The following DCTN4 variants were observed in gnomAD, a reference collection of about 807,000 sequenced individuals.
DCTN4 encodes dynactin subunit 4.
Under a neutral mutation model 62.7 loss-of-function variants are expected in DCTN4, and 23 were observed. That is an observed-to-expected ratio of 0.37 (90% CI 0.26 to 0.52). The LOEUF (loss-of-function observed/expected upper bound fraction) is 0.52, where lower values mean the gene tolerates loss of function less well. Among genes scored for constraint, DCTN4 ranks in the 20% least tolerant of loss-of-function variants. The pLI is 0.92. For synonymous variants in DCTN4, 199 were observed against 202.1 expected, an observed-to-expected ratio of 0.98 and a Z score of 0.13; for missense variants, 514 against 580.4, an observed-to-expected ratio of 0.89 and a Z score of 1.18.
rs1759632889 is a variant in DCTN4 at position 150,713,235 on chromosome 5, C to A, written c.1170-1873G>T. Among the ~76,000 whole-genome samples the A allele has an allele frequency of 2.0e-5, 3 of 152,050 alleles. No homozygotes were observed. In the East Asian group the frequency reaches 5.8e-4, roughly 29 times the overall value. On this transcript the variant is annotated intron_variant, in intron 12 of 12. Coordinates refer to ENST00000447998, the MANE Select transcript of DCTN4 (RefSeq NM_016221.4). ...TTTTATCCTTAATTTCCCAGGCAACCACTGATACCTGGGAAGCTTTTCCAA... is the reference window on the plus strand; with the variant it reads ...TTTTATCCTTAATTTCCCAGGCAACAACTGATACCTGGGAAGCTTTTCCAA...
At chr5:150,734,124 G>C (rs926546339) in intron 4 of DCTN4, 2 of 152,278 alleles carry the variant, frequency 1.3e-5, no homozygotes, top group African/African-American at 4.8e-5. Context: ...CAGATAGGAG[G>C]CAGGACTAAC....
rs561618673 is a variant in DCTN4 at position 150,728,780 on chromosome 5, TGACA to T, written c.834+1847_834+1850del. On this transcript the variant is annotated intron_variant, in intron 8 of 12. Coordinates refer to ENST00000447998, the MANE Select transcript of DCTN4 (RefSeq NM_016221.4). ...CTGCAATTTGCTTTATTATTTAGAC[TGACA>T]ATGTTTGTCTTTTAATGGAAGCATT... 1.1e-4 allele frequency among the ~76,000 whole-genome samples: 17 copies of T among 152,344 alleles called. No individual in the cohort carries two copies. In the East Asian group the frequency reaches 3.3e-3, roughly 29 times the overall value.
intron 1 of DCTN4, 96 bp from the exon 2 acceptor site, chr5:150,756,583 A>G: frequency 1.5e-6 from 1 of 660,976 alleles, no homozygotes; most frequent in Admixed American, 3.5e-5. Context: ...AATATGTTAT[A>G]CTGTAGCAGA....
intron 1 of DCTN4, chr5:150,758,340 C>T (rs1752937870): frequency 8.1e-6 from 8 of 986,380 alleles, no homozygotes; most frequent in Non-Finnish European, 7.2e-6. Context: ...TTTCACATAA[C>T]TCACGCCGCC....
intron 3 of DCTN4, among the ~76,000 whole-genome samples, chr5:150,751,783 G>A (rs1291694754): frequency 6.6e-6 from 1 of 152,072 alleles, no homozygotes; most frequent in Non-Finnish European, 1.5e-5. Flanking sequence ...TCAACTCAAT[G>A]TACAAAGTCA....
At position 150,723,021 on chromosome 5, in the gene DCTN4, A is replaced by C. The variant is rs199966408; in HGVS notation, c.835-41T>G. 906 of 1,440,376 alleles carry C rather than the reference A, an allele frequency of 6.3e-4. 4 individuals are homozygous for C. Among genetic ancestry groups the C allele is most frequent in the South Asian group, 3.7e-3 (313 of 83,518 alleles). The allele number at this position is 1,440,376 out of a possible 1,614,324, so 89.2% of individuals were successfully genotyped here. ...ATATAACACGTATCAGAAGACAACA[A>C]CACACTTTGTTGATCCATAGAGCTG... On this transcript the variant is annotated intron_variant, in intron 8 of 12. Transcript: ENST00000447998.
chr5:150,723,354 C>G (rs2113019823), intron 8 of DCTN4, among the ~76,000 whole-genome samples: 1 of 152,268 alleles, frequency 6.6e-6, no homozygotes, highest in South Asian at 2.1e-4. Context: ...TATAGATGAT[C>G]AAAATGGTAT....
At chr5:150,725,805 C>G (rs958897056) in intron 8 of DCTN4, among the ~76,000 whole-genome samples, 68 of 152,148 alleles carry the variant, frequency 4.5e-4, no homozygotes, top group African/African-American at 1.6e-3. Flanking sequence ...GCAGCATGTG[C>G]AAAGAAACAA....
chr5:150,730,627 T>C lies in DCTN4; in HGVS notation c.834+4A>G, dbSNP rs750794077. 3 of 1,613,040 alleles carry C rather than the reference T, an allele frequency of 1.9e-6. No individual in the cohort carries two copies. Among genetic ancestry groups the C allele is most frequent in the Non-Finnish European group, 2.5e-6 (3 of 1,179,172 alleles). ...ATGGTCAGTCTACAGAATGGAATAC[T>C]TACACGGCAGCGCAGGGACCGTTTG... On this transcript the variant is annotated splice_donor_region_variant and intron_variant, in intron 8 of 12. Coordinates refer to ENST00000447998, the MANE Select transcript of DCTN4 (RefSeq NM_016221.4).
intron 2 of DCTN4, among the ~76,000 whole-genome samples, chr5:150,755,744 A>G (rs535222082): frequency 6.6e-6 from 1 of 152,284 alleles, no homozygotes; most frequent in East Asian, 1.9e-4. Flanking sequence ...TGATATCCTG[A>G]AAAGAATCCT....
At chr5:150,745,587 G>C (rs967732510) in intron 3 of DCTN4, among the ~76,000 whole-genome samples, 2 of 151,920 alleles carry the variant, frequency 1.3e-5, no homozygotes, top group East Asian at 1.9e-4. Flanking sequence ...TTATAACAAA[G>C]CGTCTCTCAG....
At chr5:150,735,590 C>T (rs993948085) in intron 4 of DCTN4, among the ~76,000 whole-genome samples, 23 of 152,196 alleles carry the variant, frequency 1.5e-4, no homozygotes, top group African/African-American at 5.5e-4. Flanking sequence ...CAGTCCAGCT[C>T]TCAGGAAGCC....
At chr5:150,756,039 C>CTTT (rs777641858) in intron 2 of DCTN4, among the ~76,000 whole-genome samples, 2 of 124,984 alleles carry the variant, frequency 1.6e-5, no homozygotes, top group African/African-American at 3.0e-5. Context: ...TTTCATGTGT[C>CTTT]TTTTTTTTTT....
rs764268080 is a variant in DCTN4 at position 150,715,578 on chromosome 5, G to C, written c.1156C>G (p.Gln386Glu). ...AAGATCACTCACTCAGGATCGTCCT[G>C]AAAGTCTTGAGGTTCTGCCAACTCA... ...YDELAEPQDF[Q>E]DDPDIIAFRK... The change falls in exon 12 of 13, where the codon CAG becomes GAG. Residue 386 changes from glutamine (Q) to glutamate (E), a missense_variant. Gln to Glu is a conservative substitution (Grantham distance 29). Coordinates refer to ENST00000447998, the MANE Select transcript of DCTN4 (RefSeq NM_016221.4). 3 of 1,614,092 alleles carry C rather than the reference G, an allele frequency of 1.9e-6. No homozygotes were observed. Among genetic ancestry groups the C allele is most frequent in the African/African-American group, 2.7e-5 (2 of 75,040 alleles).
intron 9 of DCTN4, 42 bp downstream of exon 9, chr5:150,722,865 A>C (rs1347640288): frequency 2.0e-6 from 3 of 1,526,720 alleles, no homozygotes; most frequent in Admixed American, 1.8e-5. Flanking sequence ...AACCAAAATA[A>C]CTCAAAACAG....
chr5:150,725,997 G>C (rs1760131654), intron 8 of DCTN4, among the ~76,000 whole-genome samples: 1 of 151,726 alleles, frequency 6.6e-6, no homozygotes, highest in Non-Finnish European at 1.5e-5. Flanking sequence ...CCGCCTCCTG[G>C]GTACAACCAA....
chr5:150,748,248 C>T (rs1459939763), intron 3 of DCTN4, among the ~76,000 whole-genome samples: 6 of 149,480 alleles, frequency 4.0e-5, no homozygotes, highest in Non-Finnish European at 6.0e-5. Context: ...TACCATCTCA[C>T]ACCAGTTAGA....
chr5:150,731,009 G>A, intron 7 of DCTN4, 35 bp downstream of exon 7: 3 of 1,261,566 alleles, frequency 2.4e-6, no homozygotes, highest in Non-Finnish European at 3.5e-6. Context: ...ATTAGATGTA[G>A]ACTAGAAACA....
intron 4 of DCTN4, chr5:150,733,802 A>G (rs17111319): frequency 0.13 from 26,480 of 199,056 alleles, 3,371 homozygotes; most frequent in African/African-American, 0.36. Flanking sequence ...CTAAGAACAT[A>G]GCATTTTATA....
Sources: gnomAD v4.1 joint callset for allele counts (sites outside exome capture counted in the v4.1 genomes callset) on GRCh38, gnomAD v4.1.1 for gene constraint, MANE v1.5 for transcripts, NCBI Gene and HGNC (gene_info 2026-07-23, HGNC 2026-07-21) for gene names.